TBC1D5: variants seen among roughly 807,000 people sequenced by gnomAD.
TBC1D5 encodes TBC1 domain family member 5.
In TBC1D5, 75 loss-of-function variants were observed where a neutral mutation model predicts 100.3. That is an observed-to-expected ratio of 0.75 (90% CI 0.62 to 0.91). The LOEUF (loss-of-function observed/expected upper bound fraction) is 0.91. TBC1D5 is among the 40% of genes least tolerant of loss of function. The probability of loss-of-function intolerance (pLI) is 0.00; values close to 1 mark genes in which losing one functional copy is unlikely to be tolerated. For missense variants in TBC1D5, 910 were observed against 942.4 expected, an observed-to-expected ratio of 0.97 and a Z score of 0.45; for synonymous variants, 323 against 325.6, an observed-to-expected ratio of 0.99 and a Z score of 0.09.
chr3:17,402,441 G>T (rs1575716535), intron 8 of TBC1D5, among the ~76,000 whole-genome samples: 1 of 152,224 alleles, frequency 6.6e-6, no homozygotes, highest in East Asian at 1.9e-4. Flanking sequence ...ATAGTTTAAA[G>T]TATAAACTTA....
intron 1 of TBC1D5, among the ~76,000 whole-genome samples, chr3:17,687,149 C>T (rs1326693133): frequency 6.6e-6 from 1 of 152,014 alleles, no homozygotes; most frequent in African/African-American, 2.4e-5. Flanking sequence ...CTTATTTTTT[C>T]AAATATGTAT....
intron 2 of TBC1D5, among the ~76,000 whole-genome samples, chr3:17,619,254 T>C (rs1264873985): frequency 6.6e-6 from 1 of 151,970 alleles, no homozygotes; most frequent in Non-Finnish European, 1.5e-5. Flanking sequence ...TTTTACGGAG[T>C]TAGACAAGTT....
chr3:17,400,995 A>C (rs1031200636), intron 8 of TBC1D5, among the ~76,000 whole-genome samples: 2 of 151,954 alleles, frequency 1.3e-5, no homozygotes, highest in African/African-American at 4.8e-5. Flanking sequence ...CAGATGGCCT[A>C]TTGTGGGACT....
intron 1 of TBC1D5, among the ~76,000 whole-genome samples, chr3:17,702,936 G>A (rs1560508406): frequency 6.6e-6 from 1 of 152,010 alleles, no homozygotes; most frequent in Non-Finnish European, 1.5e-5. Context: ...CTTTAAATAA[G>A]AAAACTTCTC....
At position 17,331,560 on chromosome 3, in the gene TBC1D5, T is replaced by A. The variant is rs1188954752; in HGVS notation, c.996-23426A>T. ...AAAATACAATGTGTTCATTCCCAAA[T>A]GTTTATTAAGAATGTATCTATGCCA... On this transcript the variant is annotated intron_variant, in intron 13 of 21. Coordinates refer to ENST00000253692, the Ensembl canonical transcript of TBC1D5. Among the ~76,000 whole-genome samples the A allele has an allele frequency of 2.0e-5, 3 of 152,210 alleles. No individual in the cohort carries two copies. The East Asian group carries it at 5.8e-4, about 29-fold the overall frequency.
At chr3:17,381,378 G>C (rs891168741) in intron 9 of TBC1D5, among the ~76,000 whole-genome samples, 10 of 151,938 alleles carry the variant, frequency 6.6e-5, no homozygotes, top group African/African-American at 2.4e-4. Flanking sequence ...ATCCTGATTT[G>C]ATTCACTATC....
At chr3:17,591,728 T>C (rs945069260) in intron 2 of TBC1D5, among the ~76,000 whole-genome samples, 1 of 152,152 alleles carries the variant, frequency 6.6e-6, no homozygotes, top group African/African-American at 2.4e-5. Flanking sequence ...AACCCCCACA[T>C]TGGCTGACTG....
chr3:17,655,952 A>G (rs546721266), intron 1 of TBC1D5, among the ~76,000 whole-genome samples: 1 of 152,170 alleles, frequency 6.6e-6, no homozygotes, highest in African/African-American at 2.4e-5. Context: ...AAGAAAATAC[A>G]TTTCTGTTTT....
intron 2 of TBC1D5, among the ~76,000 whole-genome samples, chr3:17,582,511 T>C (rs933421188): frequency 2.6e-5 from 4 of 151,784 alleles, no homozygotes; most frequent in African/African-American, 7.2e-5. Flanking sequence ...AACTCAGTAG[T>C]ATAGTGAAAA....
exon 13 of TBC1D5, chr3:17,372,220 G>A: frequency 6.2e-7 from 1 of 1,611,748 alleles, no homozygotes; most frequent in East Asian, 2.2e-5. Flanking sequence ...CTAGCAAAGG[G>A]AATGGGAGTC....
chr3:17,434,265 G>C (rs1180085641), intron 3 of TBC1D5, among the ~76,000 whole-genome samples: 2 of 152,226 alleles, frequency 1.3e-5, no homozygotes, highest in Non-Finnish European at 2.9e-5. Flanking sequence ...CCATAGCAGA[G>C]GTTCTCCATG....
At chr3:17,326,055 G>A (rs940233452) in intron 13 of TBC1D5, among the ~76,000 whole-genome samples, 5 of 152,112 alleles carry the variant, frequency 3.3e-5, no homozygotes, top group African/African-American at 1.2e-4. Flanking sequence ...TCATCTCATA[G>A]AGCACTAAGA....
At chr3:17,607,737 A>T (rs1296995340) in intron 2 of TBC1D5, among the ~76,000 whole-genome samples, 1 of 152,062 alleles carries the variant, frequency 6.6e-6, no homozygotes, top group Non-Finnish European at 1.5e-5. Flanking sequence ...CAAAAAGAAA[A>T]ATAACTGCTC....
chr3:17,244,787 A>G (rs901605650), intron 16 of TBC1D5, among the ~76,000 whole-genome samples: 1 of 152,220 alleles, frequency 6.6e-6, no homozygotes, highest in Non-Finnish European at 1.5e-5. Flanking sequence ...TATAGATATC[A>G]ATCTATTTGG....
At chr3:17,410,761 C>G (rs2093902014) in intron 4 of TBC1D5, among the ~76,000 whole-genome samples, 1 of 152,114 alleles carries the variant, frequency 6.6e-6, no homozygotes, top group African/African-American at 2.4e-5. Context: ...TGTGACTTAA[C>G]TGCTATAATC....
chr3:17,467,286 C>CTTTTTTTTTTTTTTTTTTTTTTTTTTTT (rs11299814), intron 3 of TBC1D5, among the ~76,000 whole-genome samples: 1 of 121,286 alleles, frequency 8.2e-6, no homozygotes, highest in African/African-American at 3.2e-5. Flanking sequence ...GCCAGACCTT[C>CTTTTTTTTTTTTTTTTTTTTTTTTTTTT]TTTTTTTTTT....
intron 1 of TBC1D5, among the ~76,000 whole-genome samples, chr3:17,665,972 A>T (rs1246117328): frequency 6.6e-6 from 1 of 152,194 alleles, no homozygotes. Context: ...CAAAAAGCTT[A>T]TCCAAAGGTA....
At chr3:17,515,959 A>G (rs2095981265) in intron 2 of TBC1D5, among the ~76,000 whole-genome samples, 1 of 152,226 alleles carries the variant, frequency 6.6e-6, no homozygotes, top group Admixed American at 6.5e-5. Context: ...TCATTATTTA[A>G]GTCCCCAAAT....
intron 2 of TBC1D5, among the ~76,000 whole-genome samples, chr3:17,544,230 C>T (rs2096389959): frequency 6.6e-6 from 1 of 152,174 alleles, no homozygotes; most frequent in Admixed American, 6.5e-5. Flanking sequence ...GGGGGCCACA[C>T]TTTGAGAACG....
Sources: allele counts gnomAD v4.1 joint callset (sites outside exome capture counted in the v4.1 genomes callset), GRCh38; gene constraint gnomAD v4.1.1; transcripts MANE v1.5; gene names NCBI Gene and HGNC (gene_info 2026-07-23, HGNC 2026-07-21).